ZNF75A: variants seen among roughly 807,000 people sequenced by gnomAD.
The protein encoded by ZNF75A is zinc finger protein 75A.
Under a neutral mutation model 46.3 loss-of-function variants are expected in ZNF75A, and 36 were observed. The ratio of observed to expected loss-of-function variants is 0.78; its 90% confidence interval spans 0.60 to 1.03. ZNF75A has a LOEUF of 1.03. ZNF75A is among the 50% of genes least tolerant of loss of function. The probability of loss-of-function intolerance (pLI) is 0.00; values close to 1 mark genes in which losing one functional copy is unlikely to be tolerated. For missense variants in ZNF75A, 595 were observed against 551.3 expected, an observed-to-expected ratio of 1.08 and a Z score of -0.79; for synonymous variants, 234 against 189.9, an observed-to-expected ratio of 1.23 and a Z score of -1.91.
Position 3,317,216 on chromosome 16 carries a change from A to G in ZNF75A, c.961A>G (p.Asn321Asp). ...TGLKLKNDTE[N>D]HQPVSLSDLE... ...GTTAAAGCTCAAAAACGACACTGAA[A>G]ATCATCAGCCTGTGTCTCTTTCTGA... Residue 321 changes from asparagine (N) to aspartate (D), a missense_variant, in exon 7 of 7, where the codon AAT (asparagine) becomes GAT (aspartate). Asn to Asp is a conservative substitution (Grantham distance 23). Coordinates refer to ENST00000669516, the MANE Select transcript of ZNF75A (RefSeq NM_001302109.2). The G allele has an allele frequency of 6.2e-7, 1 of 1,611,644 alleles. No individual in the cohort carries two copies. Among genetic ancestry groups the G allele is most frequent in the Non-Finnish European group, 8.5e-7 (1 of 1,178,876 alleles).
chr16:3,309,750 T>TC (rs1454358195), intron 2 of ZNF75A, among the ~76,000 whole-genome samples: 1 of 103,232 alleles, frequency 9.7e-6, no homozygotes, highest in Admixed American at 1.1e-4. Context: ...TGAGAACCTG[T>TC]CAAAAAAAAA....
chr16:3,312,867 C>G (rs952672037), intron 4 of ZNF75A, 99 bp downstream of exon 4: 21 of 1,156,800 alleles, frequency 1.8e-5, no homozygotes, highest in Non-Finnish European at 8.2e-6. Context: ...CCCGGGTGTT[C>G]TCTGGGCAAC....
Position 3,313,014 on chromosome 16 carries a change from G to T in ZNF75A, c.697-35G>T, listed in dbSNP as rs889277332. 1.9e-6 allele frequency: 3 copies of T among 1,592,174 alleles called. No individual in the cohort carries two copies. The African/African-American group carries it at 4.0e-5, about 21-fold the overall frequency. ...GTGGCTAGGCTGCTTCTGTACAGTG[G>T]CAGGTTCTGAGCTGAAGTCCATTCT... On this transcript the variant is annotated intron_variant, in intron 4 of 6. Transcript: ENST00000669516.
In ZNF75A at chr16:3,317,278, A is replaced by C. The variant is rs753837524; in HGVS notation, c.1023A>C (p.Lys341Asn). Residue 341 changes from lysine to asparagine, a missense_variant, in exon 7 of 7, where the codon AAA becomes AAC. By Grantham distance (94) the Lys-to-Asn change is moderately conservative (BLOSUM62 0). Coordinates refer to ENST00000669516, the MANE Select transcript of ZNF75A (RefSeq NM_001302109.2). Reference protein sequence around the residue: ...EIQASAGVISKKAKVKVPQKT... With the variant: ...EIQASAGVISNKAKVKVPQKT... ...AAGCATCAGCAGGCGTCATATCAAAAAAGGCCAAAGTAAAAGTTCCCCAGA... is the reference window on the plus strand; with the variant it reads ...AAGCATCAGCAGGCGTCATATCAAACAAGGCCAAAGTAAAAGTTCCCCAGA... 1 of 1,614,140 alleles carries C rather than the reference A, an allele frequency of 6.2e-7. No homozygotes were observed. The highest frequency in any genetic ancestry group is 2.2e-5 in the East Asian group (1 of 44,868).
chr16:3,305,599 C>T lies in ZNF75A; in HGVS notation c.-161C>T, dbSNP rs993372389. ...TTCGGGCGGTGGCTTGCGTTTGAGC[C>T]TCAGAAAGCGAGGAGCGGCCTCCAC... is the stretch of plus-strand genomic sequence containing the variant. On this transcript the variant is annotated 5_prime_UTR_variant, in exon 1 of 7. Coordinates refer to ENST00000669516, the MANE Select transcript of ZNF75A (RefSeq NM_001302109.2). 1 of 152,330 alleles carries T rather than the reference C, an allele frequency of 6.6e-6. No individual in the cohort carries two copies. Among genetic ancestry groups the T allele is most frequent in the Non-Finnish European group, 1.5e-5 (1 of 68,126 alleles). The allele number at this position is 152,330 out of a possible 1,614,324, so 9.4% of individuals were successfully genotyped here. A position where few individuals can be genotyped will look rare whatever the true frequency, so the allele number is the denominator to read the frequency against.
chr16:3,315,243 G>C, intron 5 of ZNF75A: 1 of 250,402 alleles, frequency 4.0e-6, no homozygotes. Flanking sequence ...CCAGGCTGGA[G>C]TGCAGTGGTG....
At chr16:3,315,206 T>C (rs1475730933) in intron 5 of ZNF75A, 2 of 573,808 alleles carry the variant, frequency 3.5e-6, no homozygotes, top group African/African-American at 4.1e-5. Context: ...TTTTTTTTTT[T>C]TTTGAGATGG....
Position 3,305,522 on chromosome 16 carries a change from C to T in ZNF75A, c.-238C>T, listed in dbSNP as rs1960124916. 6.6e-6 allele frequency: 1 copy of T among 152,310 alleles called. No individual in the cohort carries two copies. The highest frequency in any genetic ancestry group is 1.5e-5 in the Non-Finnish European group (1 of 68,096). 9.4% of individuals were successfully genotyped at this position (152,310 alleles called of 1,614,324 possible). A position where few individuals can be genotyped will look rare whatever the true frequency, so the allele number is the denominator to read the frequency against. On this transcript the variant is annotated 5_prime_UTR_variant, in exon 1 of 7. Transcript: ENST00000669516. ...GCTCTGGCTCTGTACCTGGACAGGG[C>T]TGCGGTAGGCCAGCGGTGGGCTGGC...
At chr16:3,322,321 G>A (rs1236222102), downstream of ZNF75A, among the ~76,000 whole-genome samples, 1 of 152,058 alleles carries the variant, frequency 6.6e-6, no homozygotes, top group Non-Finnish European at 1.5e-5. Context: ...CCGAGATGAG[G>A]GCACTGTTTG....
downstream of ZNF75A, among the ~76,000 whole-genome samples, chr16:3,320,202 C>A (rs189154164): frequency 2.6e-4 from 40 of 152,242 alleles, no homozygotes; most frequent in African/African-American, 9.6e-4. Flanking sequence ...CCCGCCACCA[C>A]GCCTGGCTAA....
intron 1 of ZNF75A, chr16:3,306,701 G>A (rs1249478975): frequency 6.6e-6 from 1 of 150,814 alleles, no homozygotes; most frequent in Non-Finnish European, 1.5e-5. Flanking sequence ...GACAGGGCGA[G>A]ACTCCATCTC....
In ZNF75A at chr16:3,316,912, C is replaced by T. The variant is rs758132357; in HGVS notation, c.824C>T (p.Ala275Val). The change falls in exon 6 of 7, where the codon GCA becomes GTA. Residue 275 changes from alanine (A) to valine (V), a missense_variant and splice_region_variant. Coordinates refer to ENST00000669516, the MANE Select transcript of ZNF75A (RefSeq NM_001302109.2). ...QENYETVISLALFVLPKPKVI... is the reference protein window; with the variant it reads ...QENYETVISLVLFVLPKPKVI... The stretch of plus-strand genomic sequence containing the variant: ...TGACCTCATTTTGTCCATTTGACAG[C>T]ATTGTTTGTGCTCCCCAAACCTAAA... 2.5e-6 allele frequency: 4 copies of T among 1,607,818 alleles called. No individual in the cohort carries two copies. Among genetic ancestry groups the T allele is most frequent in the Non-Finnish European group, 3.4e-6 (4 of 1,176,352 alleles).
rs546495119 is a variant in ZNF75A at position 3,309,902 on chromosome 16, G to A, written c.408+1066G>A. Among the ~76,000 whole-genome samples the A allele has an allele frequency of 2.0e-4, 31 of 151,902 alleles. 1 individual carries two copies. In the South Asian group the frequency reaches 6.5e-3, roughly 32 times the overall value. On this transcript the variant is annotated intron_variant, in intron 2 of 6. Coordinates refer to ENST00000669516, the MANE Select transcript of ZNF75A (RefSeq NM_001302109.2). ...TGGGAGGACTGCTTGAGACCAGCCT[G>A]GGGAACATAGTGTGACCTTGTTGCT...
Position 3,317,707 on chromosome 16 carries a change from G to A in ZNF75A, c.1452G>A (p.Lys484=). 1 of 1,614,122 alleles carries A rather than the reference G, an allele frequency of 6.2e-7. No homozygotes were observed. Among genetic ancestry groups the A allele is most frequent in the South Asian group, 1.1e-5 (1 of 91,082 alleles). ...ACCAAAGAACTCATACAGGAGAAAAGCCCTTCACATGTCATGAATGTGGAA... is the reference window on the plus strand; with the variant it reads ...ACCAAAGAACTCATACAGGAGAAAAACCCTTCACATGTCATGAATGTGGAA... ...HTHQRTHTGE[K]PFTCHECGKK... is the part of the protein sequence containing the mutation. The change falls in exon 7 of 7, where the codon AAG becomes AAA. Residue 484 remains lysine, a synonymous_variant. Coordinates refer to ENST00000669516, the MANE Select transcript of ZNF75A (RefSeq NM_001302109.2).
At chr16:3,323,315 C>T, downstream of ZNF75A, 1 of 1,066,540 alleles carries the variant, frequency 9.4e-7, no homozygotes, top group Non-Finnish European at 1.4e-6. Flanking sequence ...GGCAAAAGAA[C>T]CATGAGATCT....
chr16:3,321,307 G>A (rs768029071), downstream of ZNF75A, among the ~76,000 whole-genome samples: 29 of 152,106 alleles, frequency 1.9e-4, 1 homozygote, highest in Non-Finnish European at 3.8e-4. Flanking sequence ...CTTTATTTTA[G>A]CATGTTCAGA....
At chr16:3,311,361 C>T (rs556805954) in intron 2 of ZNF75A, among the ~76,000 whole-genome samples, 3 of 151,864 alleles carry the variant, frequency 2.0e-5, no homozygotes, top group African/African-American at 7.2e-5. Context: ...TCACTTGAAC[C>T]CAGGAGGCAG....
chr16:3,323,102 T>C, downstream of ZNF75A: 1 of 539,014 alleles, frequency 1.9e-6, no homozygotes, highest in Non-Finnish European at 3.0e-6. Context: ...TCTTTGAAGA[T>C]ACTTGATAAA....
Position 3,308,501 on chromosome 16 carries a change from C to T in ZNF75A, c.73C>T (p.Pro25Ser). Residue 25 changes from proline (P) to serine (S), a missense_variant, in exon 2 of 7, where the codon CCT becomes TCT. Transcript: ENST00000669516. Reference sequence around the variant, plus strand: ...CAGGGCTTTGTGGGAGACCAAGGGGCCTGCAAGAGAGAGCTCCGGTCAGAG... The same window carrying T: ...CAGGGCTTTGTGGGAGACCAAGGGGTCTGCAAGAGAGAGCTCCGGTCAGAG... ...QIRALWETKG[P>S]ARESSGQSKK... is the part of the protein sequence containing the mutation. 8 of 985,776 alleles carry T rather than the reference C, an allele frequency of 8.1e-6. No homozygotes were observed. The highest frequency in any genetic ancestry group is 9.6e-6 in the Non-Finnish European group (8 of 829,934). The allele number at this position is 985,776 out of a possible 1,614,324, so 61.1% of individuals were successfully genotyped here.
Sources: gnomAD v4.1 joint callset for allele counts (sites outside exome capture counted in the v4.1 genomes callset) on GRCh38, gnomAD v4.1.1 for gene constraint, MANE v1.5 for transcripts, NCBI Gene and HGNC (gene_info 2026-07-23, HGNC 2026-07-21) for gene names.